Variants in ST6GALNAC3 observed in about 807,000 individuals in gnomAD.
The protein encoded by ST6GALNAC3 is alpha-N-acetylgalactosaminide alpha-2,6-sialyltransferase 3.
In ST6GALNAC3, 25 loss-of-function variants were observed where a neutral mutation model predicts 32.7. The ratio of observed to expected loss-of-function variants is 0.76; its 90% CI spans 0.56 to 1.07. The LOEUF is 1.07. ST6GALNAC3 is among the 50% of genes least tolerant of loss of function. The probability of loss-of-function intolerance (pLI) is 0.00; values close to 1 mark genes in which losing one functional copy is unlikely to be tolerated. For synonymous variants in ST6GALNAC3, 129 were observed against 133.1 expected (o/e 0.97, Z 0.21); for missense variants, 355 against 382.4 (o/e 0.93, Z 0.60).
intron 3 of ST6GALNAC3, among the ~76,000 whole-genome samples, chr1:76,462,603 G>A (rs1214980480): frequency 6.6e-6 from 1 of 151,990 alleles, no homozygotes; most frequent in African/African-American, 2.4e-5. Context: ...CACAGTATTT[G>A]TTTCAGATGG....
At chr1:76,327,085 G>C (rs780901457) in intron 2 of ST6GALNAC3, among the ~76,000 whole-genome samples, 19 of 152,158 alleles carry the variant, frequency 1.2e-4, no homozygotes, top group Non-Finnish European at 2.5e-4. Context: ...GCCTATGTGT[G>C]TTGAGTTTTT....
intron 3 of ST6GALNAC3, among the ~76,000 whole-genome samples, chr1:76,450,953 C>T (rs1388090016): frequency 1.3e-5 from 2 of 151,856 alleles, no homozygotes; most frequent in Non-Finnish European, 2.9e-5. Context: ...TGACTATGGC[C>T]TTATAGTATA....
intron 1 of ST6GALNAC3, among the ~76,000 whole-genome samples, chr1:76,223,027 C>A (rs1281488938): frequency 6.6e-6 from 1 of 151,982 alleles, no homozygotes; most frequent in East Asian, 1.9e-4. Flanking sequence ...TTACCATTTG[C>A]CCTAGGAATC....
chr1:76,628,670 A>G lies in ST6GALNAC3; in HGVS notation c.782A>G (p.Asp261Gly). The G allele has an allele frequency of 6.2e-7, 1 of 1,611,924 alleles. No homozygotes were observed. Among genetic ancestry groups the G allele is most frequent in the Non-Finnish European group, 8.5e-7 (1 of 1,178,964 alleles). Residue 261 changes from aspartate to glycine, a missense_variant, in exon 5 of 5, where the codon GAT (aspartate) becomes GGT (glycine). Coordinates refer to ENST00000328299, the MANE Select transcript of ST6GALNAC3 (RefSeq NM_152996.4). The part of the protein sequence containing the change: ...VPYHYYEQGR[D>G]ECDEYFLHEH... ...TACCATTATTATGAACAAGGAAGAG[A>G]TGAGTGTGATGAATATTTTCTTCAT...
At chr1:76,576,610 C>A (rs767901881) in intron 3 of ST6GALNAC3, among the ~76,000 whole-genome samples, 1 of 151,950 alleles carries the variant, frequency 6.6e-6, no homozygotes. Flanking sequence ...ACAAAAGAGA[C>A]ATCAGTTACA....
At chr1:76,617,686 A>G (rs781553295) in intron 3 of ST6GALNAC3, among the ~76,000 whole-genome samples, 1 of 152,198 alleles carries the variant, frequency 6.6e-6, no homozygotes, top group Non-Finnish European at 1.5e-5. Context: ...TACCCAGAGT[A>G]TTTAATAGAC....
intron 4 of ST6GALNAC3, 120 bp downstream of exon 4, chr1:76,627,679 T>C: frequency 1.2e-6 from 1 of 841,004 alleles, no homozygotes; most frequent in Non-Finnish European, 1.9e-6. Flanking sequence ...TTTCCCAGTG[T>C]TCTTTGCTGA....
At chr1:76,402,486 A>C (rs563223058) in intron 2 of ST6GALNAC3, among the ~76,000 whole-genome samples, 12 of 152,228 alleles carry the variant, frequency 7.9e-5, no homozygotes, top group African/African-American at 2.9e-4. Context: ...TTCAGCTTTC[A>C]GTACACTACG....
chr1:76,468,549 T>A (rs1197495807), intron 3 of ST6GALNAC3, among the ~76,000 whole-genome samples: 2 of 152,038 alleles, frequency 1.3e-5, no homozygotes, highest in African/African-American at 4.8e-5. Flanking sequence ...AATTAAATAA[T>A]GCAAATGCTC....
At chr1:76,161,362 G>A (rs1018268396) in intron 1 of ST6GALNAC3, among the ~76,000 whole-genome samples, 12 of 152,210 alleles carry the variant, frequency 7.9e-5, no homozygotes, top group South Asian at 2.1e-4. Context: ...CGAGGTTTTC[G>A]ATTTGTCGGA....
chr1:76,601,178 A>G (rs767203043), intron 3 of ST6GALNAC3, among the ~76,000 whole-genome samples: 20 of 152,194 alleles, frequency 1.3e-4, no homozygotes, highest in Non-Finnish European at 2.1e-4. Flanking sequence ...AGTCAGGGCT[A>G]TAGAGCAAGA....
rs527255552 is a variant in ST6GALNAC3, at chr1:76,356,294, G to A, written c.213+42295G>A. On this transcript the variant is annotated intron_variant, in intron 2 of 4. Transcript: ENST00000328299. ...TTGCCTGTTGTCTTCAAAGAAGCAG[G>A]CAATTCATTTTGAATGCTTTTGATC... is the stretch of plus-strand genomic sequence containing the variant. Among the ~76,000 whole-genome samples the A allele has an allele frequency of 7.9e-5, 12 of 152,208 alleles. No individual in the cohort carries two copies. The East Asian group carries it at 2.3e-3, about 29-fold the overall frequency.
intron 3 of ST6GALNAC3, among the ~76,000 whole-genome samples, chr1:76,522,343 T>G (rs990420009): frequency 2.0e-5 from 3 of 152,174 alleles, no homozygotes; most frequent in African/African-American, 7.2e-5. Context: ...TTCTTCAATT[T>G]GGAAATTTTT....
intron 3 of ST6GALNAC3, among the ~76,000 whole-genome samples, chr1:76,504,527 T>C (rs1306746852): frequency 6.6e-6 from 1 of 152,282 alleles, no homozygotes; most frequent in East Asian, 1.9e-4. Context: ...ATGGCTCCAA[T>C]ATCTAGTGTG....
At chr1:76,521,284 CAT>C (rs58867351) in intron 3 of ST6GALNAC3, among the ~76,000 whole-genome samples, 12,453 of 149,706 alleles carry the variant, frequency 0.083, 1,402 homozygotes, top group African/African-American at 0.26. Flanking sequence ...TATATACAGA[CAT>C]ATATATATAT....
chr1:76,627,324 A>G (rs1170384583), intron 3 of ST6GALNAC3, 128 bp from the exon 4 acceptor site: 8 of 640,622 alleles, frequency 1.2e-5, no homozygotes, highest in South Asian at 1.9e-5. Context: ...AAGTTTCTCA[A>G]CTCTTTTTCC....
At chr1:76,477,738 C>G (rs568922088) in intron 3 of ST6GALNAC3, among the ~76,000 whole-genome samples, 1 of 152,256 alleles carries the variant, frequency 6.6e-6, no homozygotes, top group South Asian at 2.1e-4. Flanking sequence ...AGCACACTGT[C>G]CAGCCTCCTC....
At chr1:76,208,052 C>CCA (rs376344948) in intron 1 of ST6GALNAC3, among the ~76,000 whole-genome samples, 42 of 145,888 alleles carry the variant, frequency 2.9e-4, no homozygotes, top group African/African-American at 1.0e-3. Context: ...CCCCCCCCCC[C>CCA]AAAAAATAGT....
intron 3 of ST6GALNAC3, among the ~76,000 whole-genome samples, chr1:76,485,724 T>G (rs1660063699): frequency 6.6e-6 from 1 of 152,228 alleles, no homozygotes; most frequent in Non-Finnish European, 1.5e-5. Flanking sequence ...TCTATCTCCT[T>G]CAGTTCTTCT....
Sources: gnomAD v4.1 joint callset for allele counts (sites outside exome capture counted in the v4.1 genomes callset) on GRCh38, gnomAD v4.1.1 for gene constraint, MANE v1.5 for transcripts, NCBI Gene and HGNC (gene_info 2026-07-23, HGNC 2026-07-21) for gene names.